Variants in CSNK2A1 observed in about 807,000 individuals in gnomAD.
The protein encoded by CSNK2A1 is casein kinase 2 alpha 1, also known as casein kinase II subunit alpha.
Under a neutral mutation model 62.9 loss-of-function variants are expected in CSNK2A1, and 10 were observed. The observed-to-expected ratio is 0.16, with a 90% confidence interval of 0.10 to 0.27. The LOEUF (loss-of-function observed/expected upper bound fraction) is 0.27, where lower values mean the gene tolerates loss of function less well. Ranked by LOEUF, CSNK2A1 falls within the 10% of genes least tolerant of loss-of-function variation. CSNK2A1 has a pLI of 1.00. For synonymous variants in CSNK2A1, 124 were observed against 167.8 expected (o/e 0.74, Z 2.02); for missense variants, 160 against 492.0 (o/e 0.33, Z 6.38).
intron 3 of CSNK2A1, 122 bp from the exon 4 acceptor site, chr20:505,351 GTTT>G (rs746624346): frequency 0.022 from 5,034 of 232,172 alleles, no homozygotes; most frequent in East Asian, 0.03. Flanking sequence ...TCCCAAATAG[GTTT>G]TTTTTTTTTT....
chr20:511,930 A>C (rs2018730246), intron 2 of CSNK2A1, among the ~76,000 whole-genome samples: 1 of 152,240 alleles, frequency 6.6e-6, no homozygotes, highest in African/African-American at 2.4e-5. Context: ...AAGAACCAGC[A>C]TATTGTTTCA....
intron 2 of CSNK2A1, among the ~76,000 whole-genome samples, chr20:515,009 A>T (rs2018798665): frequency 6.6e-6 from 1 of 152,184 alleles, no homozygotes; most frequent in African/African-American, 2.4e-5. Flanking sequence ...TTACCTATGG[A>T]CTAAGGGTAA....
intron 2 of CSNK2A1, among the ~76,000 whole-genome samples, chr20:520,502 A>G (rs1176343220): frequency 6.6e-6 from 1 of 151,922 alleles, no homozygotes; most frequent in East Asian, 1.9e-4. Context: ...ATATAAATAT[A>G]TTATGTATTT....
At chr20:521,352 C>A (rs1278207798) in intron 2 of CSNK2A1, among the ~76,000 whole-genome samples, 6 of 152,084 alleles carry the variant, frequency 3.9e-5, no homozygotes, top group Admixed American at 3.9e-4. Context: ...TTAAATCATA[C>A]AACTACCACT....
intron 1 of CSNK2A1, among the ~76,000 whole-genome samples, chr20:542,104 G>C (rs2019462667): frequency 6.6e-6 from 1 of 152,180 alleles, no homozygotes; most frequent in South Asian, 2.1e-4. Flanking sequence ...ATTTTACTTA[G>C]AACAGAAGAG....
intron 8 of CSNK2A1, chr20:494,859 G>C (rs1172445050): frequency 6.6e-6 from 1 of 152,160 alleles, no homozygotes; most frequent in Non-Finnish European, 1.5e-5. Context: ...ACTCTGCCTT[G>C]GGACATGTTT....
chr20:485,122 A>G (rs1284650400), intron 13 of CSNK2A1, among the ~76,000 whole-genome samples: 1 of 97,498 alleles, frequency 1.0e-5, no homozygotes, highest in Non-Finnish European at 2.0e-5. Flanking sequence ...ATATATATAT[A>G]TATATATATA....
intron 9 of CSNK2A1, among the ~76,000 whole-genome samples, chr20:491,719 C>A (rs1049123650): frequency 2.6e-5 from 4 of 151,802 alleles, no homozygotes; most frequent in Non-Finnish European, 5.9e-5. Context: ...GGCAGGAGAT[C>A]GAGACCATCC....
chr20:487,207 A>G (rs2018118885), intron 12 of CSNK2A1: 1 of 620,516 alleles, frequency 1.6e-6, no homozygotes, highest in Non-Finnish European at 2.7e-6. Flanking sequence ...CAGTATGAAA[A>G]GAGTTTATTT....
At chr20:521,291 A>G (rs2018939611) in intron 2 of CSNK2A1, among the ~76,000 whole-genome samples, 1 of 152,260 alleles carries the variant, frequency 6.6e-6, no homozygotes, top group Admixed American at 6.5e-5. Context: ...AGATATACAC[A>G]TAAGTATATG....
At position 478,094 on chromosome 20, in the gene CSNK2A1, T is replaced by C. The variant is rs561753248; in HGVS notation, c.*5867A>G. 32 of 152,268 alleles carry C rather than the reference T, an allele frequency of 2.1e-4. No homozygotes were observed. The highest frequency in any genetic ancestry group is 7.2e-4 in the African/African-American group (30 of 41,540). 9.4% of individuals were successfully genotyped at this position (152,268 alleles called of 1,614,324 possible). ...TTTCTAATTAACATACATTTCCCCATGGGCTTGTGTCTCACCTCTCAATCC... is the reference window on the plus strand; with the variant it reads ...TTTCTAATTAACATACATTTCCCCACGGGCTTGTGTCTCACCTCTCAATCC... On this transcript the variant is annotated 3_prime_UTR_variant, in exon 14 of 14. Transcript: ENST00000217244.
At chr20:524,708 CAAAAAAA>C (rs56228720) in intron 2 of CSNK2A1, among the ~76,000 whole-genome samples, 49 of 83,170 alleles carry the variant, frequency 5.9e-4, no homozygotes, top group African/African-American at 8.4e-4. Flanking sequence ...GACTCCATCT[CAAAAAAA>C]AAAAAAAAAA....
chr20:526,618 G>C (rs369079881), intron 2 of CSNK2A1: 1 of 151,270 alleles, frequency 6.6e-6, no homozygotes, highest in African/African-American at 2.4e-5. Context: ...CTCTGCAGGT[G>C]GGGGGGAAGA....
At chr20:534,434 A>G (rs1832367171) in intron 1 of CSNK2A1, among the ~76,000 whole-genome samples, 1 of 152,192 alleles carries the variant, frequency 6.6e-6, no homozygotes, top group Admixed American at 6.5e-5. Flanking sequence ...AATTGTATAA[A>G]AATCAGATTT....
intron 6 of CSNK2A1, chr20:498,333 ATCTTTTTTT>A (rs2018387414): frequency 7.3e-6 from 1 of 136,108 alleles, no homozygotes; most frequent in Non-Finnish European, 1.6e-5. Context: ...ACATGGACAT[ATCTTTTTTT>A]TTTTTTTTTT....
intron 3 of CSNK2A1, among the ~76,000 whole-genome samples, chr20:505,560 C>T (rs1057468538): frequency 1.3e-5 from 2 of 151,572 alleles, no homozygotes; most frequent in Non-Finnish European, 2.9e-5. Flanking sequence ...GGCGGGTCCT[C>T]ACCGTGTTAA....
chr20:486,301 A>G (rs975898728), intron 13 of CSNK2A1, 75 bp downstream of exon 13: 24 of 1,564,318 alleles, frequency 1.5e-5, no homozygotes, highest in Non-Finnish European at 2.0e-5. Context: ...AAGGTATACA[A>G]GAAATCAGAC....
Position 495,703 on chromosome 20 carries a change from C to A in CSNK2A1, c.510+16G>T, listed in dbSNP as rs1235314147. ...CATCATGTAGATAAATAACACTTGT[C>A]AGCCTATCACTTTACCTTTCTGTGC... On this transcript the variant is annotated intron_variant, in intron 8 of 13. Coordinates refer to ENST00000217244, the MANE Select transcript of CSNK2A1 (RefSeq NM_177559.3). 1.2e-6 allele frequency: 2 copies of A among 1,609,806 alleles called. No individual in the cohort carries two copies. Among genetic ancestry groups the A allele is most frequent in the South Asian group, 2.2e-5 (2 of 90,936 alleles).
At chr20:490,017 ATTTCTTTTTAGTC>A (rs1480468499) in intron 9 of CSNK2A1, 136 bp from the exon 10 acceptor site, 33 of 640,124 alleles carry the variant, frequency 5.2e-5, no homozygotes, top group Non-Finnish European at 7.0e-5. Context: ...ATCTTCATAT[ATTTCTTTTTAGTC>A]TTTCTTTTTT....
Sources: gnomAD v4.1 joint callset for allele counts (sites outside exome capture counted in the v4.1 genomes callset) on GRCh38, gnomAD v4.1.1 for gene constraint, MANE v1.5 for transcripts, NCBI Gene and HGNC (gene_info 2026-07-23, HGNC 2026-07-21) for gene names.